The following VWA8 variants were observed in gnomAD, a reference collection of about 807,000 sequenced individuals.
VWA8 encodes von Willebrand factor A domain-containing protein 8.
A neutral mutation model predicts 241.5 loss-of-function variants in VWA8; 221 were observed. The ratio of observed to expected loss-of-function variants is 0.91; its 90% CI spans 0.82 to 1.02. The LOEUF is 1.02. Ranked by LOEUF, VWA8 falls within the 50% of genes least tolerant of loss-of-function variation. The pLI is 0.00. For missense variants in VWA8, 2,322 were observed against 2,328.7 expected (o/e 1.00, Z 0.06); for synonymous variants, 852 against 827.1 (o/e 1.03, Z -0.52).
chr13:41,695,249 G>A (rs2045209018), intron 29 of VWA8, among the ~76,000 whole-genome samples: 1 of 152,108 alleles, frequency 6.6e-6, no homozygotes, highest in Non-Finnish European at 1.5e-5. Context: ...ATAATCTCAT[G>A]GGGAGTGGGG....
rs371893458 is a variant in VWA8 at position 41,905,383 on chromosome 13, T to G, written c.483+2203A>C. On this transcript the variant is annotated intron_variant, in intron 4 of 44. Transcript: ENST00000379310. ...AATGGTTGTTACCTATTACCATTTA[T>G]AGGTAATGTACATGAGCACAAAGAG... Among the ~76,000 whole-genome samples, 27 of 152,244 alleles carry G rather than the reference T, an allele frequency of 1.8e-4. No homozygotes were observed. The Middle Eastern group carries it at 0.02, about 115-fold the overall frequency.
At chr13:41,762,078 T>C (rs1165327217) in intron 20 of VWA8, among the ~76,000 whole-genome samples, 1 of 152,046 alleles carries the variant, frequency 6.6e-6, no homozygotes, top group African/African-American at 2.4e-5. Flanking sequence ...TTCTGAAACT[T>C]TTTGAGCACC....
At chr13:41,824,774 C>T (rs1039697623) in intron 14 of VWA8, among the ~76,000 whole-genome samples, 1 of 149,242 alleles carries the variant, frequency 6.7e-6, no homozygotes, top group Non-Finnish European at 1.5e-5. Flanking sequence ...ACTATGATAG[C>T]ACTACTGCAC....
intron 34 of VWA8, among the ~76,000 whole-genome samples, chr13:41,686,212 A>C (rs1233073174): frequency 6.6e-6 from 1 of 152,124 alleles, no homozygotes; most frequent in African/African-American, 2.4e-5. Flanking sequence ...GAAGTTTTAT[A>C]ATTATCCTTG....
In VWA8 at chr13:41,950,181, T is replaced by C. The variant is rs77463652; in HGVS notation, c.164-168A>G. ...CTAAAACTTCTATCCAAAGTATATATGTATAAAGGAGAAGTGAGGCATCAG... is the reference window on the plus strand; with the variant it reads ...CTAAAACTTCTATCCAAAGTATATACGTATAAAGGAGAAGTGAGGCATCAG... On this transcript the variant is annotated intron_variant, in intron 1 of 44. Transcript: ENST00000379310. Among the ~76,000 whole-genome samples, 261 of 152,298 alleles carry C rather than the reference T, an allele frequency of 1.7e-3. 2 individuals are homozygous for C. The highest frequency in any genetic ancestry group is 5.8e-3 in the African/African-American group (240 of 41,564).
chr13:41,696,956 C>T (rs764903880), intron 29 of VWA8, among the ~76,000 whole-genome samples: 1 of 152,204 alleles, frequency 6.6e-6, no homozygotes, highest in Non-Finnish European at 1.5e-5. Flanking sequence ...CTTTAAAGAA[C>T]ATTTGTTAAT....
intron 6 of VWA8, 125 bp from the exon 7 acceptor site, chr13:41,886,955 CA>C: frequency 1.1e-6 from 1 of 875,702 alleles, no homozygotes; most frequent in Non-Finnish European, 1.7e-6. Context: ...AGCAAAAAAT[CA>C]TTTATTGATA....
At chr13:41,868,983 A>G (rs1451495520) in intron 9 of VWA8, among the ~76,000 whole-genome samples, 1 of 151,978 alleles carries the variant, frequency 6.6e-6, no homozygotes, top group Non-Finnish European at 1.5e-5. Flanking sequence ...TCTACTTACA[A>G]TAATTATTAA....
intron 37 of VWA8, among the ~76,000 whole-genome samples, chr13:41,634,757 G>GTGTTCTATT (rs2044746695): frequency 6.6e-6 from 1 of 151,466 alleles, no homozygotes. Flanking sequence ...TTTTCCTTTG[G>GTGTTCTATT]CTCTTATATA....
intron 35 of VWA8, among the ~76,000 whole-genome samples, chr13:41,676,228 G>A (rs138251781): frequency 2.6e-5 from 4 of 152,096 alleles, no homozygotes; most frequent in Admixed American, 1.3e-4. Context: ...CAGTTGGACC[G>A]ATTATGGAAT....
At chr13:41,583,987 GA>G (rs1252946442) in intron 42 of VWA8, among the ~76,000 whole-genome samples, 1 of 152,108 alleles carries the variant, frequency 6.6e-6, no homozygotes, top group East Asian at 1.9e-4. Context: ...GACATATAAT[GA>G]AGTATTTAGA....
Position 41,832,342 on chromosome 13 carries a change from C to T in VWA8, c.1586+1029G>A, listed in dbSNP as rs565992916. On this transcript the variant is annotated intron_variant, in intron 13 of 44. Coordinates refer to ENST00000379310, the MANE Select transcript of VWA8 (RefSeq NM_015058.2). Reference sequence around the variant, plus strand: ...GGTACTCAATTAATGGTAGTAGCTGCTTCTATTATTACTACTTGCAAACAT... The same window carrying T: ...GGTACTCAATTAATGGTAGTAGCTGTTTCTATTATTACTACTTGCAAACAT... 1.3e-5 allele frequency among the ~76,000 whole-genome samples: 2 copies of T among 152,242 alleles called. 1 individual carries two copies. The highest frequency in any genetic ancestry group is 4.8e-5 in the African/African-American group (2 of 41,538).
intron 29 of VWA8, among the ~76,000 whole-genome samples, chr13:41,698,308 A>G (rs1290333127): frequency 6.6e-6 from 1 of 151,970 alleles, no homozygotes; most frequent in Non-Finnish European, 1.5e-5. Flanking sequence ...TAGATAGATA[A>G]TAGGTATACA....
At chr13:41,739,848 G>GTTTTTTTTTTTTTTTTTTTTTT (rs1179107917) in intron 21 of VWA8, among the ~76,000 whole-genome samples, 2 of 50,916 alleles carry the variant, frequency 3.9e-5, no homozygotes, top group Non-Finnish European at 8.8e-5. Flanking sequence ...TGTTTTTTTT[G>GTTTTTTTTTTTTTTTTTTTTTT]TTTTTTTTGT....
chr13:41,676,227 C>T (rs1407903424), intron 35 of VWA8, among the ~76,000 whole-genome samples: 2 of 151,960 alleles, frequency 1.3e-5, no homozygotes, highest in Admixed American at 6.6e-5. Context: ...TCAGTTGGAC[C>T]GATTATGGAA....
In VWA8 at chr13:41,619,817, A is replaced by G. The variant is rs529672737; in HGVS notation, c.4612-4733T>C. Among the ~76,000 whole-genome samples, 4 of 152,104 alleles carry G rather than the reference A, an allele frequency of 2.6e-5. No individual in the cohort carries two copies. The East Asian group carries it at 7.7e-4, about 29-fold the overall frequency. Reference sequence around the variant, plus strand: ...AACCAGCCTTGCATCCCAGGGATGAAGCCAACTTGATCTTGGTGGATAAGC... The same window carrying G: ...AACCAGCCTTGCATCCCAGGGATGAGGCCAACTTGATCTTGGTGGATAAGC... On this transcript the variant is annotated intron_variant, in intron 37 of 44. Transcript: ENST00000379310.
chr13:41,570,357 T>C, intron 44 of VWA8, 111 bp downstream of exon 44: 1 of 945,036 alleles, frequency 1.1e-6, no homozygotes, highest in Non-Finnish European at 1.6e-6. Context: ...GTTTCTGTTT[T>C]TCCTCCATCT....
intron 42 of VWA8, among the ~76,000 whole-genome samples, chr13:41,576,686 T>C (rs2044352650): frequency 6.6e-6 from 1 of 152,310 alleles, no homozygotes; most frequent in Non-Finnish European, 1.5e-5. Context: ...TGTCTAAATA[T>C]GTAAAAGATA....
chr13:41,908,001 C>G (rs1255956397), intron 3 of VWA8, among the ~76,000 whole-genome samples: 1 of 152,010 alleles, frequency 6.6e-6, no homozygotes, highest in Non-Finnish European at 1.5e-5. Flanking sequence ...ATATAATGAG[C>G]AATAATTTGA....
Sources: gnomAD v4.1 joint callset for allele counts (sites outside exome capture counted in the v4.1 genomes callset) on GRCh38, gnomAD v4.1.1 for gene constraint, MANE v1.5 for transcripts, NCBI Gene and HGNC (gene_info 2026-07-23, HGNC 2026-07-21) for gene names.